The following PRKAR1B variants were observed in gnomAD, a reference collection of about 807,000 sequenced individuals.
PRKAR1B encodes cAMP-dependent protein kinase type I-beta regulatory subunit.
A neutral mutation model predicts 46.5 loss-of-function variants in PRKAR1B; 22 were observed. The observed-to-expected ratio is 0.47, with a 90% CI of 0.34 to 0.68. The LOEUF is 0.68. PRKAR1B is among the 30% of genes least tolerant of loss of function. PRKAR1B has a pLI of 0.01. For synonymous variants in PRKAR1B, 259 were observed against 217.7 expected (o/e 1.19, Z -1.67); for missense variants, 445 against 535.6 (o/e 0.83, Z 1.67).
Position 727,242 on chromosome 7 carries a change from C to T in PRKAR1B, c.-55G>A, listed in dbSNP as rs1781357926. The stretch of plus-strand genomic sequence containing the variant: ...ACGCTCTGCGCGCGCTGCGCTGCTC[C>T]CTGCTCGACCCCTTCGCCGCCGTGC... On this transcript the variant is annotated 5_prime_UTR_variant, in exon 1 of 11. Coordinates refer to ENST00000537384, the MANE Select transcript of PRKAR1B (RefSeq NM_001164760.2). The T allele has an allele frequency of 7.4e-7, 1 of 1,346,080 alleles. No homozygotes were observed. The highest frequency in any genetic ancestry group is 9.5e-7 in the Non-Finnish European group (1 of 1,051,580). The allele number at this position is 1,346,080 out of a possible 1,614,324, so 83.4% of individuals were successfully genotyped here. A position where few individuals can be genotyped will look rare whatever the true frequency, so the allele number is the denominator to read the frequency against.
intron 9 of PRKAR1B, among the ~76,000 whole-genome samples, chr7:561,620 C>T (rs1345504318): frequency 1.3e-5 from 2 of 152,218 alleles, no homozygotes; most frequent in Admixed American, 6.5e-5. Context: ...TCCTCAGGCC[C>T]GGCTGGCCGA....
Position 667,255 on chromosome 7 carries a change from C to T in PRKAR1B, c.440+9974G>A, listed in dbSNP as rs1232376087. Among the ~76,000 whole-genome samples the T allele has an allele frequency of 6.6e-6, 1 of 152,102 alleles. No homozygotes were observed. The highest frequency in any genetic ancestry group is 1.5e-5 in the Non-Finnish European group (1 of 68,016). On this transcript the variant is annotated intron_variant, in intron 4 of 10. Transcript: ENST00000537384. This position sits in a 1 kb window ranked among gnomAD's most constrained non-coding sequence, Gnocchi z 4.3. Reference sequence around the variant, plus strand: ...GTGATGATAATGATGGTGGTGATAACAGTACACACATAGATATTCTTGCTT... The same window carrying T: ...GTGATGATAATGATGGTGGTGATAATAGTACACACATAGATATTCTTGCTT...
At chr7:699,301 G>A (rs752845480) in intron 2 of PRKAR1B, among the ~76,000 whole-genome samples, 1 of 152,156 alleles carries the variant, frequency 6.6e-6, no homozygotes, top group Non-Finnish European at 1.5e-5. Context: ...GTGAGAATTC[G>A]ATGAGATAAA....
chr7:699,145 G>A (rs1489953770), intron 2 of PRKAR1B, among the ~76,000 whole-genome samples: 3 of 152,258 alleles, frequency 2.0e-5, no homozygotes, highest in Admixed American at 6.5e-5. Context: ...AAGGTGGGAA[G>A]GGTGTGGCCT....
chr7:688,866 C>T (rs1441810930), intron 2 of PRKAR1B, among the ~76,000 whole-genome samples: 1 of 152,212 alleles, frequency 6.6e-6, no homozygotes, highest in South Asian at 2.1e-4. Flanking sequence ...GCTTGATTCA[C>T]TGCTAAATCT....
rs772049509 is a variant in PRKAR1B at position 607,415 on chromosome 7, C to T, written c.478G>A (p.Ala160Thr). 1.2e-5 allele frequency: 19 copies of T among 1,613,860 alleles called. No individual in the cohort carries two copies. The Admixed American group carries it at 2.3e-4, about 20-fold the overall frequency. ...FDAMFPVTHI[A>T]GETVIQQGNE... ...CCTTGCTGTATAACAGTCTCCCCAGCGATGTGAGTGACAGGGAACATGGCA... is the reference window on the plus strand; with the variant it reads ...CCTTGCTGTATAACAGTCTCCCCAGTGATGTGAGTGACAGGGAACATGGCA... Residue 160 changes from alanine (A) to threonine (T), a missense_variant, in exon 5 of 11, where the codon GCT becomes ACT. Around this residue, in one of 5 missense-constraint regions of PRKAR1B, gnomAD observed 94 missense variants for 126.9 expected, o/e 0.74. Transcript: ENST00000537384.
intron 3 of PRKAR1B, among the ~76,000 whole-genome samples, chr7:679,900 C>T (rs1454869230): frequency 3.3e-5 from 5 of 152,000 alleles, no homozygotes; most frequent in South Asian, 2.1e-4. Flanking sequence ...GGCTCACGCC[C>T]GTAACCCCAG....
chr7:686,458 T>C (rs1166938435), intron 2 of PRKAR1B, among the ~76,000 whole-genome samples: 1 of 152,072 alleles, frequency 6.6e-6, no homozygotes, highest in Non-Finnish European at 1.5e-5. Context: ...GAAGGTGGGG[T>C]CATCTGGCAT....
chr7:635,960 GC>G (rs1784034832), intron 4 of PRKAR1B, among the ~76,000 whole-genome samples: 1 of 116,180 alleles, frequency 8.6e-6, no homozygotes, highest in South Asian at 2.8e-4. Context: ...CACCGGCCGC[GC>G]CCTCACGTCC....
rs974776339 is a variant in PRKAR1B at position 593,577 on chromosome 7, C to G, written c.708+2569G>C. On this transcript the variant is annotated intron_variant, in intron 7 of 10. Coordinates refer to ENST00000537384, the MANE Select transcript of PRKAR1B (RefSeq NM_001164760.2). The surrounding 1 kb of genome is among the most constrained non-coding windows in gnomAD (Gnocchi z 6.1). ...GATGGTGGGGAAACGGCTTATGCAACGCCGGGCCAGGTGCGCCCAGAGGAG... is the reference window on the plus strand; with the variant it reads ...GATGGTGGGGAAACGGCTTATGCAAGGCCGGGCCAGGTGCGCCCAGAGGAG... 6.6e-6 allele frequency among the ~76,000 whole-genome samples: 1 copy of G among 152,196 alleles called. No homozygotes were observed. The highest frequency in any genetic ancestry group is 1.9e-4 in the East Asian group (1 of 5,182).
intron 1 of PRKAR1B, chr7:726,520 G>C: frequency 2.5e-6 from 1 of 398,842 alleles, no homozygotes; most frequent in Non-Finnish European, 4.3e-6. Flanking sequence ...ACAGGACAAG[G>C]CCCAGCAGGC....
At chr7:579,549 CTG>C (rs1372871133) in intron 8 of PRKAR1B, among the ~76,000 whole-genome samples, 172 bp from the exon 9 acceptor site, 2 of 152,262 alleles carry the variant, frequency 1.3e-5, no homozygotes, top group African/African-American at 4.8e-5. Context: ...CCCAGCACCT[CTG>C]TGCCAGGGGG....
At chr7:615,575 T>C (rs1362905175) in intron 4 of PRKAR1B, among the ~76,000 whole-genome samples, 3 of 150,818 alleles carry the variant, frequency 2.0e-5, no homozygotes, top group Admixed American at 1.3e-4. Context: ...CGGTGGCTCA[T>C]GCCTGTAATC....
intron 9 of PRKAR1B, chr7:578,984 T>C (rs1405162985): frequency 7.8e-7 from 1 of 1,289,156 alleles, no homozygotes; most frequent in East Asian, 3.7e-5. Flanking sequence ...GCCCGGCCAG[T>C]TTCATGCAGT....
intron 2 of PRKAR1B, among the ~76,000 whole-genome samples, chr7:697,843 A>G (rs1186859292): frequency 2.1e-5 from 3 of 144,668 alleles, no homozygotes; most frequent in African/African-American, 7.6e-5. Context: ...CAGGCCTCAC[A>G]TAGAGAGTAT....
intron 9 of PRKAR1B, among the ~76,000 whole-genome samples, chr7:552,984 C>T (rs548046389): frequency 2.0e-5 from 3 of 152,266 alleles, no homozygotes; most frequent in African/African-American, 4.8e-5. Flanking sequence ...CACAGGGCAC[C>T]GCCGCAGCAC....
chr7:700,251 C>G (rs1228072650), intron 2 of PRKAR1B, among the ~76,000 whole-genome samples: 1 of 152,298 alleles, frequency 6.6e-6, no homozygotes, highest in East Asian at 1.9e-4. Flanking sequence ...CAAGGGTGCG[C>G]CCAAGCAGCA....
In PRKAR1B at chr7:636,413, C is replaced by T. The variant is rs1221636505; in HGVS notation, c.441-28961G>A. On this transcript the variant is annotated intron_variant, in intron 4 of 10. Coordinates refer to ENST00000537384, the MANE Select transcript of PRKAR1B (RefSeq NM_001164760.2). Reference sequence around the variant, plus strand: ...CCGCGCCCTCACGTCCTCCACCGGCCGCGCCCACACGTCCTCCACCGGCCG... The same window carrying T: ...CCGCGCCCTCACGTCCTCCACCGGCTGCGCCCACACGTCCTCCACCGGCCG... Among the ~76,000 whole-genome samples the T allele has an allele frequency of 2.2e-4, 20 of 90,332 alleles. 1 individual carries two copies. The highest frequency in any genetic ancestry group is 1.0e-3 in the South Asian group (3 of 2,866). The allele number at this position is 90,332 out of a possible 152,430, so 59.3% of individuals were successfully genotyped here.
chr7:633,182 G>A (rs1214444852), intron 4 of PRKAR1B, among the ~76,000 whole-genome samples: 1 of 152,200 alleles, frequency 6.6e-6, no homozygotes, highest in Non-Finnish European at 1.5e-5. Flanking sequence ...TGATCTCCAG[G>A]ACATGATGTC....
Sources: allele counts gnomAD v4.1 joint callset (sites outside exome capture counted in the v4.1 genomes callset), GRCh38; gene constraint gnomAD v4.1.1; regional missense constraint gnomAD v4.1.1; non-coding constraint Gnocchi (gnomAD v3.1); transcripts MANE v1.5; gene names NCBI Gene and HGNC (gene_info 2026-07-23, HGNC 2026-07-21).